The following DLG2 variants were observed in gnomAD, a reference collection of about 807,000 sequenced individuals.
DLG2 encodes the protein discs large MAGUK scaffold protein 2, also known as disks large homolog 2.
Under a neutral mutation model 132.5 loss-of-function variants are expected in DLG2, and 45 were observed. The observed-to-expected ratio is 0.34, with a 90% CI of 0.27 to 0.44. The LOEUF is 0.44. Among genes scored for constraint, DLG2 ranks in the 20% least tolerant of loss-of-function variants. DLG2 has a pLI of 1.00. For synonymous variants in DLG2, 424 were observed against 419.6 expected, an observed-to-expected ratio of 1.01 and a Z score of -0.13; for missense variants, 1,045 against 1,196.9, an observed-to-expected ratio of 0.87 and a Z score of 1.87.
intron 18 of DLG2, among the ~76,000 whole-genome samples, chr11:83,641,558 C>T (rs1400666550): frequency 3.3e-5 from 5 of 152,082 alleles, no homozygotes; most frequent in South Asian, 2.1e-4. Context: ...CTTTTCTCAC[C>T]CTGGCTGCTT....
rs573607135 is a variant in DLG2, at chr11:84,641,543, TG to T, written c.358-106813del. Among the ~76,000 whole-genome samples the T allele has an allele frequency of 1.4e-4, 22 of 152,234 alleles. No homozygotes were observed. The East Asian group carries it at 4.1e-3, about 28-fold the overall frequency. On this transcript the variant is annotated intron_variant, in intron 6 of 27. Coordinates refer to ENST00000376104, the MANE Select transcript of DLG2 (RefSeq NM_001142699.3). ...ATGTTTCCGGGAGAGTCAGCAACTC[TG>T]GGGTGCTCCAAACCTGGTGTTTTTC...
intron 2 of DLG2, among the ~76,000 whole-genome samples, chr11:85,601,346 T>A (rs182412286): frequency 1.1e-3 from 158 of 144,810 alleles, no homozygotes; most frequent in South Asian, 7.4e-3. Context: ...TGAGTTTAAC[T>A]TTTTTTTTTT....
At chr11:84,323,720 C>CTTTTTTTTTTTT (rs35283044) in intron 7 of DLG2, among the ~76,000 whole-genome samples, 7 of 123,786 alleles carry the variant, frequency 5.7e-5, no homozygotes, top group African/African-American at 9.0e-5. Flanking sequence ...TTCTTTTTTC[C>CTTTTTTTTTTTT]TTTTTTTTTT....
chr11:84,870,264 T>C (rs566264296), intron 6 of DLG2, among the ~76,000 whole-genome samples: 7 of 152,294 alleles, frequency 4.6e-5, no homozygotes, highest in South Asian at 2.1e-4. Context: ...AGCGATGTTT[T>C]AGCAGTAAGT....
intron 6 of DLG2, among the ~76,000 whole-genome samples, chr11:84,787,155 G>C (rs961925346): frequency 3.3e-5 from 5 of 152,170 alleles, no homozygotes; most frequent in African/African-American, 9.7e-5. Context: ...TACCCCAGGA[G>C]TAGAGCCATG....
intron 6 of DLG2, among the ~76,000 whole-genome samples, chr11:84,655,788 G>A (rs930433684): frequency 2.1e-4 from 31 of 149,158 alleles, no homozygotes; most frequent in African/African-American, 3.7e-4. Flanking sequence ...ATATGTGCAA[G>A]TGCTTGTAAA....
intron 3 of DLG2, among the ~76,000 whole-genome samples, chr11:85,541,198 G>C (rs1391483990): frequency 6.6e-6 from 1 of 152,122 alleles, no homozygotes; most frequent in Non-Finnish European, 1.5e-5. Context: ...ACAAAGTAAT[G>C]ATATAATCAC....
intron 15 of DLG2, among the ~76,000 whole-genome samples, chr11:83,912,907 T>C (rs1393453762): frequency 6.6e-6 from 1 of 151,958 alleles, no homozygotes; most frequent in African/African-American, 2.4e-5. Context: ...TTGTCAAAGG[T>C]TGGGGAAGAG....
chr11:83,786,047 C>A (rs1416973676), intron 18 of DLG2, among the ~76,000 whole-genome samples: 1 of 152,110 alleles, frequency 6.6e-6, no homozygotes. Flanking sequence ...AGTAACATCC[C>A]AGTTGTCTCA....
chr11:84,091,640 G>T (rs34899787), intron 10 of DLG2, among the ~76,000 whole-genome samples: 5,299 of 152,262 alleles, frequency 0.035, 142 homozygotes, highest in Non-Finnish European at 0.055. Context: ...TTAGTTTCTT[G>T]TTGTTACATG....
chr11:84,926,787 G>A (rs1429777064), intron 6 of DLG2, among the ~76,000 whole-genome samples: 1 of 152,038 alleles, frequency 6.6e-6, no homozygotes, highest in African/African-American at 2.4e-5. Context: ...ACTAGAAACT[G>A]TGAGGGGATT....
At position 85,598,697 on chromosome 11, in the gene DLG2, C is replaced by G. The variant is rs372436733; in HGVS notation, c.-1G>C. 7.6e-6 allele frequency: 12 copies of G among 1,578,772 alleles called. No homozygotes were observed. Among genetic ancestry groups the G allele is most frequent in the Non-Finnish European group, 8.6e-6 (10 of 1,164,994 alleles). ...ATAAGCTGCTCTTAAAGATACCCAT[C>G]ACCTTTTTAACCGCATTTTTCAACA... On this transcript the variant is annotated 5_prime_UTR_variant, in exon 3 of 28. Coordinates refer to ENST00000376104, the MANE Select transcript of DLG2 (RefSeq NM_001142699.3).
rs113359919 is a variant in DLG2, at chr11:84,645,543, C to T, written c.358-110812G>A. On this transcript the variant is annotated intron_variant, in intron 6 of 27. Coordinates refer to ENST00000376104, the MANE Select transcript of DLG2 (RefSeq NM_001142699.3). ...AGTGCAGTCGCACGATCTCGGCTCA[C>T]TGCAAGCTCCGCCTCCTGGGTTCAC... is the stretch of plus-strand genomic sequence containing the variant. 1.8e-3 allele frequency among the ~76,000 whole-genome samples: 273 copies of T among 152,334 alleles called. 1 individual carries two copies. Among genetic ancestry groups the T allele is most frequent in the African/African-American group, 6.3e-3 (264 of 41,586 alleles).
intron 4 of DLG2, among the ~76,000 whole-genome samples, chr11:85,275,321 G>T (rs1022745696): frequency 6.6e-6 from 1 of 152,046 alleles, no homozygotes; most frequent in African/African-American, 2.4e-5. Flanking sequence ...TTTTCATCAT[G>T]TGGAAGATGA....
intron 10 of DLG2, among the ~76,000 whole-genome samples, chr11:84,094,885 C>G (rs985292600): frequency 1.3e-5 from 2 of 151,814 alleles, no homozygotes; most frequent in African/African-American, 4.8e-5. Context: ...AAAGGAAACA[C>G]CAAGGATTTG....
At chr11:84,152,792 G>T (rs920897472) in intron 9 of DLG2, among the ~76,000 whole-genome samples, 4 of 152,142 alleles carry the variant, frequency 2.6e-5, no homozygotes, top group African/African-American at 9.7e-5. Flanking sequence ...CTTGGGTCTT[G>T]TTTTTTTATC....
intron 7 of DLG2, among the ~76,000 whole-genome samples, chr11:84,308,169 A>G (rs1660069922): frequency 6.6e-6 from 1 of 152,130 alleles, no homozygotes; most frequent in South Asian, 2.1e-4. Context: ...CATTTTACAG[A>G]GAGCCGAGTG....
intron 16 of DLG2, among the ~76,000 whole-genome samples, chr11:83,854,791 A>C (rs1457949011): frequency 6.6e-6 from 1 of 152,120 alleles, no homozygotes; most frequent in Non-Finnish European, 1.5e-5. Flanking sequence ...TTTTTAACAT[A>C]TGTAAACATA....
intron 3 of DLG2, among the ~76,000 whole-genome samples, chr11:85,292,242 G>T (rs2078939454): frequency 6.6e-6 from 1 of 152,068 alleles, no homozygotes; most frequent in Admixed American, 6.5e-5. Flanking sequence ...CATAGAAGTG[G>T]AATTTTCAAT....
Sources: allele counts gnomAD v4.1 joint callset (sites outside exome capture counted in the v4.1 genomes callset), GRCh38; gene constraint gnomAD v4.1.1; transcripts MANE v1.5; gene names NCBI Gene and HGNC (gene_info 2026-07-23, HGNC 2026-07-21).